MICAL2: variants seen among roughly 807,000 people sequenced by gnomAD.
MICAL2 encodes the protein [F-actin]-monooxygenase MICAL2.
Under a neutral mutation model 127.3 loss-of-function variants are expected in MICAL2, and 77 were observed. That is an observed-to-expected ratio of 0.60 (90% confidence interval 0.50 to 0.73). The LOEUF is 0.73. Ranked by LOEUF, MICAL2 falls within the 30% of genes least tolerant of loss-of-function variation. The pLI is 0.00. For missense variants in MICAL2, 1,351 were observed against 1,434.4 expected (o/e 0.94, Z 0.94); for synonymous variants, 570 against 551.1 (o/e 1.03, Z -0.48).
Position 12,213,239 on chromosome 11 carries a change from AT to A in MICAL2, c.692-13del. 1 of 1,581,000 alleles carries A rather than the reference AT, an allele frequency of 6.3e-7. No individual in the cohort carries two copies. The highest frequency in any genetic ancestry group is 8.6e-7 in the Non-Finnish European group (1 of 1,162,348). ...ATCCAGAAGATAGACCCACTTTTTC[AT>A]TTCTCCTCATGCAGGGTTCAGAAGA... On this transcript the variant is annotated splice_polypyrimidine_tract_variant and intron_variant, in intron 6 of 27. Coordinates refer to ENST00000683283, the MANE Select transcript of MICAL2 (RefSeq NM_001282663.2).
chr11:12,154,539 A>G (rs1433835110), intron 2 of MICAL2, among the ~76,000 whole-genome samples: 1 of 152,222 alleles, frequency 6.6e-6, no homozygotes, highest in Non-Finnish European at 1.5e-5. Context: ...GATCCTACAC[A>G]CATATCACCA....
intron 33 of MICAL2, among the ~76,000 whole-genome samples, chr11:12,352,184 A>G (rs1181359269): frequency 6.6e-6 from 1 of 152,238 alleles, no homozygotes; most frequent in Non-Finnish European, 1.5e-5. Context: ...TTATATAGCT[A>G]CTGTGTCTGC....
intron 32 of MICAL2, among the ~76,000 whole-genome samples, chr11:12,336,691 T>C (rs551069875): frequency 1.3e-4 from 20 of 152,268 alleles, no homozygotes; most frequent in African/African-American, 4.6e-4. Context: ...AAAGGCCTTT[T>C]CTGCATCTAT....
At chr11:12,338,858 C>T (rs1450098443) in intron 32 of MICAL2, among the ~76,000 whole-genome samples, 1 of 152,156 alleles carries the variant, frequency 6.6e-6, no homozygotes, top group Non-Finnish European at 1.5e-5. Flanking sequence ...TTGTGGGTAA[C>T]CTGACCTTTC....
At chr11:12,229,527 G>C in intron 15 of MICAL2, among the ~76,000 whole-genome samples, 1 of 152,360 alleles carries the variant, frequency 6.6e-6, no homozygotes, top group South Asian at 2.1e-4. Flanking sequence ...AGCTCTCCGA[G>C]ACAGACATTT....
chr11:12,286,433 G>A (rs759616700), intron 2 of MICAL2, among the ~76,000 whole-genome samples: 4 of 152,220 alleles, frequency 2.6e-5, no homozygotes, highest in Non-Finnish European at 4.4e-5. Context: ...GTGCATGTAC[G>A]TATGTACACA....
chr11:12,260,685 G>A (rs1862990732), intron 26 of MICAL2: 2 of 985,574 alleles, frequency 2.0e-6, no homozygotes, highest in Non-Finnish European at 2.4e-6. Flanking sequence ...CAACACGAAA[G>A]CATAATTATT....
chr11:12,219,705 A>G (rs2134256685), intron 8 of MICAL2, among the ~76,000 whole-genome samples: 1 of 152,294 alleles, frequency 6.6e-6, no homozygotes, highest in South Asian at 2.1e-4. Flanking sequence ...TTATTATAAA[A>G]TCACACTTTC....
intron 34 of MICAL2, among the ~76,000 whole-genome samples, chr11:12,355,455 T>G (rs1939115613): frequency 6.6e-6 from 1 of 152,180 alleles, no homozygotes; most frequent in African/African-American, 2.4e-5. Flanking sequence ...ATTTATTAGT[T>G]CCTGCCAGAA....
chr11:12,276,234 G>A (rs1194681857), intron 1 of MICAL2: 1 of 398,512 alleles, frequency 2.5e-6, no homozygotes, highest in East Asian at 3.6e-5. Flanking sequence ...ATTTGGGATT[G>A]GGTCTTCTCT....
At chr11:12,181,585 A>T (rs567432923) in intron 3 of MICAL2, among the ~76,000 whole-genome samples, 1 of 152,374 alleles carries the variant, frequency 6.6e-6, no homozygotes, top group African/African-American at 2.4e-5. Context: ...AAACTTGAAC[A>T]TGAAGTAGGT....
intron 1 of MICAL2, among the ~76,000 whole-genome samples, chr11:12,137,444 G>A (rs2133597288): frequency 6.6e-6 from 1 of 152,324 alleles, no homozygotes; most frequent in African/African-American, 2.4e-5. Flanking sequence ...TGTCTGTGAG[G>A]AGCCACTGAG....
At chr11:12,221,617 T>G in intron 9 of MICAL2, 27 bp from the exon 10 acceptor site, 1 of 1,530,304 alleles carries the variant, frequency 6.5e-7, no homozygotes, top group Non-Finnish European at 9.0e-7. Context: ...CAGAATCAAC[T>G]GGAATTTTGC....
intron 32 of MICAL2, among the ~76,000 whole-genome samples, chr11:12,337,238 C>T (rs1030614710): frequency 1.6e-4 from 24 of 152,144 alleles, no homozygotes; most frequent in Non-Finnish European, 3.1e-4. Flanking sequence ...AGTTTATTTG[C>T]GTAGAGGTGT....
At chr11:12,118,192 A>G (rs1025277750) in intron 1 of MICAL2, among the ~76,000 whole-genome samples, 18 of 152,332 alleles carry the variant, frequency 1.2e-4, no homozygotes, top group African/African-American at 4.3e-4. Context: ...CCACACATAC[A>G]TACATATGTG....
At chr11:12,343,821 A>G (rs996238819) in intron 32 of MICAL2, among the ~76,000 whole-genome samples, 1 of 152,220 alleles carries the variant, frequency 6.6e-6, no homozygotes, top group Non-Finnish European at 1.5e-5. Flanking sequence ...TGTTTTCTCT[A>G]TCAAGGAAAA....
In MICAL2 at chr11:12,280,185, C is replaced by G. The variant is rs564328474; in HGVS notation, c.88-748C>G. On this transcript the variant is annotated intron_variant, in intron 1 of 2. Coordinates refer to the MICAL2 transcript ENST00000529028. ...CCCACCCAGGTAGAATTTTCCATTC[C>G]CTCATCCATTCCATGGGGAAGAGAG... Among the ~76,000 whole-genome samples, 3 of 152,276 alleles carry G rather than the reference C, an allele frequency of 2.0e-5. No homozygotes were observed. The South Asian group carries it at 6.2e-4, about 32-fold the overall frequency.
At chr11:12,265,274 T>G (rs2134742946), downstream of MICAL2, among the ~76,000 whole-genome samples, 1 of 152,252 alleles carries the variant, frequency 6.6e-6, no homozygotes, top group Non-Finnish European at 1.5e-5. Flanking sequence ...ATTTTGTTTT[T>G]GTTTTGGTTT....
rs779881541 is a variant in MICAL2, at chr11:12,209,619, TGTGGGAATGGGGGG to T, written c.691+22_691+35del. ...GGAAGGTGAAGACTCTTCTTCTTGG[TGTGGGAATGGGGGG>T]ATGGGAATGGGAGAGGGTACATTGG... On this transcript the variant is annotated intron_variant, in intron 6 of 27. Transcript: ENST00000683283. The T allele has an allele frequency of 4.4e-6, 7 of 1,592,156 alleles. No homozygotes were observed. In the South Asian group the frequency reaches 7.7e-5, roughly 18 times the overall value.
Sources: allele counts gnomAD v4.1 joint callset (sites outside exome capture counted in the v4.1 genomes callset), GRCh38; gene constraint gnomAD v4.1.1; transcripts MANE v1.5; gene names NCBI Gene and HGNC (gene_info 2026-07-23, HGNC 2026-07-21).